The following RNF216 variants were observed in gnomAD, a reference collection of about 807,000 sequenced individuals.
RNF216 encodes the protein ring finger protein 216, also known as E3 ubiquitin-protein ligase RNF216.
A neutral mutation model predicts 110.8 loss-of-function variants in RNF216; 72 were observed. The observed-to-expected ratio is 0.65, with a 90% CI of 0.54 to 0.79. The LOEUF is 0.79. RNF216 is among the 30% of genes least tolerant of loss of function. The pLI, the probability that RNF216 is intolerant of heterozygous loss-of-function variation, is 0.00. For synonymous variants in RNF216, 495 were observed against 407.5 expected (o/e 1.21, Z -2.59); for missense variants, 1,342 against 1,141.2 (o/e 1.18, Z -2.54).
intron 15 of RNF216, among the ~76,000 whole-genome samples, chr7:5,631,526 G>A (rs531051612): frequency 1.3e-5 from 2 of 152,168 alleles, no homozygotes; most frequent in Non-Finnish European, 2.9e-5. Context: ...AAAGGCAGAA[G>A]CGAATGCTTC....
In RNF216 at chr7:5,629,581, C is replaced by T. The variant is rs868004118; in HGVS notation, c.2383-5456G>A. Among the ~76,000 whole-genome samples the T allele has an allele frequency of 4.0e-5, 6 of 151,512 alleles. No individual in the cohort carries two copies. In the Middle Eastern group the frequency reaches 0.01, roughly 265 times the overall value. On this transcript the variant is annotated intron_variant, in intron 15 of 16. Transcript: ENST00000389902. ...CGGCGTCTTGCGCCTGTAATCCCAG[C>T]ACTTTGGGAGGCCGAGGCGGGCGGA...
rs1786357633 is a variant in RNF216, at chr7:5,621,472, T to G, written c.*1388A>C. 6.6e-6 allele frequency: 1 copy of G among 152,234 alleles called. No individual in the cohort carries two copies. The highest frequency in any genetic ancestry group is 1.5e-5 in the Non-Finnish European group (1 of 68,054). 9.4% of individuals were successfully genotyped at this position (152,234 alleles called of 1,614,324 possible). ...GGCCATCTTAGATCTTAGAGCCCAC[T>G]TTAGTCCTTGAAATACATCTGAGAA... On this transcript the variant is annotated 3_prime_UTR_variant, in exon 17 of 17. Transcript: ENST00000389902.
intron 1 of RNF216, among the ~76,000 whole-genome samples, chr7:5,763,958 G>A (rs1016953212): frequency 6.6e-5 from 10 of 152,132 alleles, no homozygotes; most frequent in Non-Finnish European, 1.0e-4. Context: ...GGAGGCCGAG[G>A]CAGGCGGATC....
At chr7:5,648,676 C>T (rs62453429) in intron 14 of RNF216, among the ~76,000 whole-genome samples, 3,956 of 149,198 alleles carry the variant, frequency 0.027, 80 homozygotes, top group Non-Finnish European at 0.037. Context: ...TGCAGTGAGC[C>T]GAGATAGCGC....
chr7:5,693,607 C>G (rs865773720), intron 13 of RNF216, among the ~76,000 whole-genome samples: 2 of 152,336 alleles, frequency 1.3e-5, no homozygotes, highest in Middle Eastern at 6.8e-3. Context: ...AAGCTACAAC[C>G]TCCCCAAGTG....
intron 9 of RNF216, among the ~76,000 whole-genome samples, chr7:5,718,761 G>A (rs1793227453): frequency 6.6e-6 from 1 of 152,018 alleles, no homozygotes; most frequent in African/African-American, 2.4e-5. Context: ...TGGTCAGGCT[G>A]GTCTGTAACT....
intron 13 of RNF216, among the ~76,000 whole-genome samples, chr7:5,703,974 AAC>A (rs1406768298): frequency 6.6e-6 from 1 of 152,244 alleles, no homozygotes; most frequent in Admixed American, 6.5e-5. Context: ...CCTTTTATGT[AAC>A]ACTCTTCAGT....
chr7:5,665,651 TG>T (rs1480679784), intron 13 of RNF216, among the ~76,000 whole-genome samples: 5 of 151,978 alleles, frequency 3.3e-5, no homozygotes, highest in African/African-American at 4.8e-5. Context: ...TACTATACTA[TG>T]GGGACCAGGG....
At chr7:5,671,483 C>T (rs1263074619) in intron 13 of RNF216, among the ~76,000 whole-genome samples, 2 of 152,038 alleles carry the variant, frequency 1.3e-5, no homozygotes, top group African/African-American at 4.8e-5. Context: ...ATGGGGTGAG[C>T]GCTATTCCAA....
At chr7:5,634,967 C>T (rs759042396) in intron 15 of RNF216, among the ~76,000 whole-genome samples, 1 of 152,216 alleles carries the variant, frequency 6.6e-6, no homozygotes, top group Non-Finnish European at 1.5e-5. Context: ...CCCCACCCCT[C>T]TGCAAGGGCT....
At chr7:5,663,931 CA>C (rs199956340) in intron 13 of RNF216, among the ~76,000 whole-genome samples, 2 of 150,670 alleles carry the variant, frequency 1.3e-5, no homozygotes, top group Admixed American at 6.6e-5. Flanking sequence ...AACCCCAAAA[CA>C]AAAAAAAAGT....
At chr7:5,740,008 AAAAACAAACC>A (rs1032177566) in intron 4 of RNF216, among the ~76,000 whole-genome samples, 1 of 150,914 alleles carries the variant, frequency 6.6e-6, no homozygotes, top group African/African-American at 2.4e-5. Flanking sequence ...GTCTCAAAAA[AAAAACAAACC>A]AAAAACAAAA....
At chr7:5,760,360 T>C (rs1204805349) in intron 2 of RNF216, 11 of 280,338 alleles carry the variant, frequency 3.9e-5, no homozygotes, top group Middle Eastern at 1.4e-3. Context: ...CTACTAAAAA[T>C]ACAAAATTAG....
intron 15 of RNF216, among the ~76,000 whole-genome samples, chr7:5,632,458 G>T (rs1787130846): frequency 6.6e-6 from 1 of 152,208 alleles, no homozygotes; most frequent in African/African-American, 2.4e-5. Flanking sequence ...GAGAGGGAGT[G>T]GATGCTGATC....
chr7:5,722,402 T>G (rs1230803983), intron 8 of RNF216, among the ~76,000 whole-genome samples: 1 of 151,864 alleles, frequency 6.6e-6, no homozygotes, highest in Non-Finnish European at 1.5e-5. Flanking sequence ...TGTTTTGTTT[T>G]TTTTTGAGAC....
chr7:5,642,217 G>C (rs6961803), intron 14 of RNF216, among the ~76,000 whole-genome samples: 1 of 141,026 alleles, frequency 7.1e-6, no homozygotes, highest in African/African-American at 2.5e-5. Flanking sequence ...GTTCTGTTTT[G>C]TTTTTTTTTT....
intron 13 of RNF216, among the ~76,000 whole-genome samples, chr7:5,659,489 G>C (rs1788964679): frequency 6.6e-6 from 1 of 152,162 alleles, no homozygotes; most frequent in African/African-American, 2.4e-5. Flanking sequence ...GTGGGGGAGA[G>C]TGGAGAATGG....
chr7:5,713,730 C>T (rs1425352014), intron 11 of RNF216, among the ~76,000 whole-genome samples: 1 of 152,084 alleles, frequency 6.6e-6, no homozygotes, highest in Non-Finnish European at 1.5e-5. Flanking sequence ...AGACAAACAC[C>T]AAAGAAAACA....
At chr7:5,663,540 C>T (rs1340429450) in intron 13 of RNF216, among the ~76,000 whole-genome samples, 4 of 135,576 alleles carry the variant, frequency 3.0e-5, no homozygotes, top group Admixed American at 7.8e-5. Flanking sequence ...GCTGAGATTG[C>T]GCCACTGCAC....
Sources: allele counts gnomAD v4.1 joint callset (sites outside exome capture counted in the v4.1 genomes callset), GRCh38; gene constraint gnomAD v4.1.1; transcripts MANE v1.5; gene names NCBI Gene and HGNC (gene_info 2026-07-23, HGNC 2026-07-21).